The following CAPZA2 variants were observed in gnomAD, a reference collection of about 807,000 sequenced individuals.
The protein encoded by CAPZA2 is capping actin protein of muscle Z-line subunit alpha 2.
CAPZA2 carries 13 observed loss-of-function variants against 44.0 expected under a neutral mutation model. That is an observed-to-expected ratio of 0.30 (90% CI 0.19 to 0.47). The LOEUF (loss-of-function observed/expected upper bound fraction) is 0.47, where lower values mean the gene tolerates loss of function less well. Among genes scored for constraint, CAPZA2 ranks in the 20% least tolerant of loss-of-function variants. The pLI is 1.00. For synonymous variants in CAPZA2, 94 were observed against 108.2 expected, an observed-to-expected ratio of 0.87 and a Z score of 0.81; for missense variants, 244 against 338.6, an observed-to-expected ratio of 0.72 and a Z score of 2.19.
intron 1 of CAPZA2, among the ~76,000 whole-genome samples, chr7:116,866,862 G>GTAA (rs1480225180): frequency 6.6e-6 from 1 of 152,112 alleles, no homozygotes; most frequent in African/African-American, 2.4e-5. Context: ...TGGTTAATTA[G>GTAA]GTATGTTCAA....
rs7782987 is a variant in CAPZA2 at position 116,894,413 on chromosome 7, A to T, written c.155+1368A>T. On this transcript the variant is annotated intron_variant, in intron 3 of 9. Transcript: ENST00000361183. ...GGAAAATTTCTCTGATTTTATTGTT[A>T]GAACATTTGAAGCCTTTAAAAAATA... Among the ~76,000 whole-genome samples, 890 of 151,796 alleles carry T rather than the reference A, an allele frequency of 5.9e-3. 10 individuals carry two copies. The highest frequency in any genetic ancestry group is 0.02 in the African/African-American group (819 of 41,428).
chr7:116,864,011 G>A (rs1796450999), intron 1 of CAPZA2, among the ~76,000 whole-genome samples: 1 of 152,068 alleles, frequency 6.6e-6, no homozygotes, highest in African/African-American at 2.4e-5. Flanking sequence ...ATGGGGGCGA[G>A]CAACGTCTCC....
rs192613841 is a variant in CAPZA2 at position 116,919,183 on chromosome 7, G to A, written c.*1316G>A. ...TTGTATAGATTTTTAAAAATTCAAT[G>A]AAAGCATGTTGTTTAATTTCTTTTT... On this transcript the variant is annotated 3_prime_UTR_variant, in exon 10 of 10. Coordinates refer to ENST00000361183, the MANE Select transcript of CAPZA2 (RefSeq NM_006136.3). 2 of 151,310 alleles carry A rather than the reference G, an allele frequency of 1.3e-5. 1 individual carries two copies. The highest frequency in any genetic ancestry group is 1.3e-4 in the Admixed American group (2 of 15,116). 9.4% of individuals were successfully genotyped at this position (151,310 alleles called of 1,614,324 possible).
chr7:116,884,644 C>T lies in CAPZA2; in HGVS notation c.40-3483C>T, dbSNP rs577404367. ...GTGATATTTCATTGTGTAGATATAC[C>T]ATGGTTTATTTGTCTGTTCACCCAT... On this transcript the variant is annotated intron_variant, in intron 1 of 9. Transcript: ENST00000361183. 2.0e-5 allele frequency among the ~76,000 whole-genome samples: 3 copies of T among 151,518 alleles called. No homozygotes were observed. In the South Asian group the frequency reaches 6.3e-4, roughly 32 times the overall value.
intron 8 of CAPZA2, 118 bp from the exon 9 acceptor site, chr7:116,915,940 CTA>C (rs1401407297): frequency 2.1e-5 from 14 of 670,136 alleles, no homozygotes; most frequent in Non-Finnish European, 3.2e-5. Flanking sequence ...AATATTTATT[CTA>C]TGTCATAATT....
rs913518042 is a variant in CAPZA2 at position 116,862,968 on chromosome 7, C to T, written c.39+318C>T. Among the ~76,000 whole-genome samples the T allele has an allele frequency of 6.6e-5, 10 of 152,032 alleles. No individual in the cohort carries two copies. In the South Asian group the frequency reaches 8.3e-4, roughly 13 times the overall value. The stretch of plus-strand genomic sequence containing the variant: ...GGGCGGCGGCTGCCCAGGACCCTCT[C>T]CTGCTGTCGGGCCGCGGGGCCTCCG... On this transcript the variant is annotated intron_variant, in intron 1 of 9. Coordinates refer to ENST00000361183, the MANE Select transcript of CAPZA2 (RefSeq NM_006136.3).
At chr7:116,916,933 A>AT (rs375987280) in intron 9 of CAPZA2, among the ~76,000 whole-genome samples, 3 of 151,636 alleles carry the variant, frequency 2.0e-5, no homozygotes, top group East Asian at 1.9e-4. Flanking sequence ...TTAAGTGGCT[A>AT]TTTTTTTTCT....
At chr7:116,884,244 T>A (rs1007972006) in intron 1 of CAPZA2, among the ~76,000 whole-genome samples, 5 of 152,168 alleles carry the variant, frequency 3.3e-5, no homozygotes, top group African/African-American at 7.2e-5. Context: ...CATAAAAAAA[T>A]TTATTTTTTC....
chr7:116,872,619 A>G (rs1330894956), intron 1 of CAPZA2, among the ~76,000 whole-genome samples: 2 of 152,246 alleles, frequency 1.3e-5, no homozygotes, highest in Non-Finnish European at 2.9e-5. Context: ...TAAATGTCAT[A>G]AAGTTCAAAA....
chr7:116,862,780 C>T (rs1024272480), intron 1 of CAPZA2, 130 bp downstream of exon 1: 7 of 1,021,186 alleles, frequency 6.9e-6, no homozygotes, highest in Admixed American at 5.2e-5. Flanking sequence ...CCCTTCCTCC[C>T]CCATCCTTAC....
At chr7:116,894,641 C>T (rs1241666827) in intron 3 of CAPZA2, among the ~76,000 whole-genome samples, 1 of 152,100 alleles carries the variant, frequency 6.6e-6, no homozygotes, top group Non-Finnish European at 1.5e-5. Flanking sequence ...CATCCATTTT[C>T]AGTACTTTTT....
Position 116,897,380 on chromosome 7 carries a change from A to G in CAPZA2, c.156-1392A>G, listed in dbSNP as rs184979605. Among the ~76,000 whole-genome samples the G allele has an allele frequency of 1.5e-4, 23 of 152,246 alleles. No homozygotes were observed. The East Asian group carries it at 2.7e-3, about 18-fold the overall frequency. On this transcript the variant is annotated intron_variant, in intron 3 of 9. Coordinates refer to ENST00000361183, the MANE Select transcript of CAPZA2 (RefSeq NM_006136.3). ...TCACCCTTGTACACTTCTGTATTCA[A>G]TGTCATCTTTTTTGAGCATGTAGTA...
At chr7:116,869,865 T>G (rs1163706638) in intron 1 of CAPZA2, among the ~76,000 whole-genome samples, 2 of 150,958 alleles carry the variant, frequency 1.3e-5, no homozygotes, top group Non-Finnish European at 1.5e-5. Context: ...ACACTTGTTT[T>G]TTTTGTTTTG....
chr7:116,886,980 A>G (rs746336760), intron 1 of CAPZA2, among the ~76,000 whole-genome samples: 4 of 152,228 alleles, frequency 2.6e-5, no homozygotes, highest in African/African-American at 9.6e-5. Context: ...ACACCTGTTG[A>G]TGTTCAATCT....
At chr7:116,894,446 G>A (rs997723266) in intron 3 of CAPZA2, among the ~76,000 whole-genome samples, 5 of 151,876 alleles carry the variant, frequency 3.3e-5, no homozygotes, top group African/African-American at 1.2e-4. Flanking sequence ...ATAAAAAATG[G>A]CCTTTATGAA....
intron 2 of CAPZA2, among the ~76,000 whole-genome samples, chr7:116,891,597 C>T (rs956627943): frequency 1.3e-5 from 2 of 152,034 alleles, no homozygotes; most frequent in African/African-American, 4.8e-5. Context: ...CTGCAAGCTC[C>T]GCCTCCCGGG....
At chr7:116,883,810 A>T (rs924644351) in intron 1 of CAPZA2, among the ~76,000 whole-genome samples, 6 of 152,236 alleles carry the variant, frequency 3.9e-5, no homozygotes, top group Non-Finnish European at 8.8e-5. Context: ...AACAACTAAA[A>T]TTTTTAAAGC....
chr7:116,900,057 G>A (rs997792423), intron 4 of CAPZA2, among the ~76,000 whole-genome samples: 1 of 151,524 alleles, frequency 6.6e-6, no homozygotes, highest in African/African-American at 2.4e-5. Context: ...AAAATCTTAT[G>A]ATGTATCAAT....
At chr7:116,872,652 T>TA (rs1403947294) in intron 1 of CAPZA2, among the ~76,000 whole-genome samples, 2 of 152,236 alleles carry the variant, frequency 1.3e-5, no homozygotes, top group Non-Finnish European at 2.9e-5. Flanking sequence ...CCTCCGGTTT[T>TA]ACCTCTAATT....
Sources: gnomAD v4.1 joint callset for allele counts (sites outside exome capture counted in the v4.1 genomes callset) on GRCh38, gnomAD v4.1.1 for gene constraint, MANE v1.5 for transcripts, NCBI Gene and HGNC (gene_info 2026-07-23, HGNC 2026-07-21) for gene names.